PLEKHG1: variants seen among roughly 807,000 people sequenced by gnomAD.
PLEKHG1 encodes the protein pleckstrin homology and RhoGEF domain containing G1.
Under a neutral mutation model 100.8 loss-of-function variants are expected in PLEKHG1, and 44 were observed. That is an observed-to-expected ratio of 0.44 (90% CI 0.34 to 0.56). PLEKHG1 has a LOEUF of 0.56. Among genes scored for constraint, PLEKHG1 ranks in the 20% least tolerant of loss-of-function variants. PLEKHG1 has a pLI of 0.01. For missense variants in PLEKHG1, 1,545 were observed against 1,720.9 expected (o/e 0.90, Z 1.81); for synonymous variants, 640 against 662.5 (o/e 0.97, Z 0.52).
At chr6:150,634,189 A>G (rs1009444500) in intron 1 of PLEKHG1, among the ~76,000 whole-genome samples, 5 of 150,526 alleles carry the variant, frequency 3.3e-5, no homozygotes, top group African/African-American at 1.2e-4. Context: ...GGTTGCAGTG[A>G]GCTGAGATCG....
chr6:150,712,694 A>G (rs1373782369), intron 3 of PLEKHG1, among the ~76,000 whole-genome samples: 1 of 152,196 alleles, frequency 6.6e-6, no homozygotes, highest in African/African-American at 2.4e-5. Context: ...GGAACTGGGA[A>G]TTAGGCAAGT....
At chr6:150,733,555 G>A (rs770470231) in intron 1 of PLEKHG1, 29 bp from the exon 3 acceptor site, 1 of 1,551,654 alleles carries the variant, frequency 6.4e-7, no homozygotes, top group Non-Finnish European at 8.7e-7. Context: ...TGCTTATCTT[G>A]TCCTTTTTAT....
In PLEKHG1 at chr6:150,821,177, C is replaced by T; in HGVS notation, c.1409-18C>T. 6.2e-7 allele frequency: 1 copy of T among 1,610,096 alleles called. No individual in the cohort carries two copies. The highest frequency in any genetic ancestry group is 8.5e-7 in the Non-Finnish European group (1 of 1,176,788). On this transcript the variant is annotated intron_variant, in intron 12 of 15. Coordinates refer to ENST00000358517, the Ensembl canonical transcript of PLEKHG1. ...GATTTGGTTTTGCCAATGATGCTGG[C>T]TTTGTTTTGTCTCCCAGAACCTTCC...
chr6:150,699,038 C>T (rs1780660966), intron 3 of PLEKHG1, among the ~76,000 whole-genome samples: 2 of 152,106 alleles, frequency 1.3e-5, no homozygotes, highest in Admixed American at 6.5e-5. Context: ...TACCTTTTTA[C>T]GTCTTCACGA....
rs1382832652 is a variant in PLEKHG1, at chr6:150,785,429, C to G, written c.513-961C>G. ...ACACTGAGAATGTTCTTTGACCCATCAATTCCATATGTAGAATTTTATCCA... is the reference window on the plus strand; with the variant it reads ...ACACTGAGAATGTTCTTTGACCCATGAATTCCATATGTAGAATTTTATCCA... On this transcript the variant is annotated intron_variant, in intron 3 of 15. Coordinates refer to ENST00000358517, the Ensembl canonical transcript of PLEKHG1. Among the ~76,000 whole-genome samples the G allele has an allele frequency of 2.0e-5, 3 of 152,156 alleles. No homozygotes were observed. The South Asian group carries it at 6.2e-4, about 32-fold the overall frequency.
At chr6:150,829,444 C>G (rs965966800) in intron 14 of PLEKHG1, among the ~76,000 whole-genome samples, 1 of 152,078 alleles carries the variant, frequency 6.6e-6, no homozygotes, top group Non-Finnish European at 1.5e-5. Context: ...ACAGCAAAAC[C>G]CTGTCTCTAC....
At chr6:150,809,937 G>C (rs529534881) in intron 10 of PLEKHG1, among the ~76,000 whole-genome samples, 1 of 149,972 alleles carries the variant, frequency 6.7e-6, no homozygotes, top group South Asian at 2.1e-4. Context: ...GAGTGACAAC[G>C]GTTAATCTGA....
intron 2 of PLEKHG1, among the ~76,000 whole-genome samples, chr6:150,742,635 G>T (rs1782940334): frequency 6.7e-6 from 1 of 148,770 alleles, no homozygotes; most frequent in African/African-American, 2.5e-5. Flanking sequence ...TCTTACGAGA[G>T]CTCACTCACT....
intron 7 of PLEKHG1, among the ~76,000 whole-genome samples, chr6:150,808,155 C>T (rs1787256527): frequency 6.6e-6 from 1 of 152,012 alleles, no homozygotes; most frequent in Admixed American, 6.5e-5. Context: ...CATTGTATGC[C>T]TGTCAAAATA....
intron 3 of PLEKHG1, among the ~76,000 whole-genome samples, chr6:150,653,752 AAAAAAG>A (rs1778847164): frequency 6.6e-6 from 1 of 152,146 alleles, no homozygotes; most frequent in Admixed American, 6.5e-5. Context: ...TATCGCAAAA[AAAAAAG>A]AGTAAATATT....
chr6:150,679,224 C>T (rs1405307284), intron 3 of PLEKHG1, among the ~76,000 whole-genome samples: 4 of 152,144 alleles, frequency 2.6e-5, no homozygotes, highest in African/African-American at 9.7e-5. Flanking sequence ...CTGAGTCGCT[C>T]TGTTCTTAAT....
intron 14 of PLEKHG1, among the ~76,000 whole-genome samples, chr6:150,829,388 C>T (rs1434169785): frequency 3.9e-5 from 6 of 152,152 alleles, no homozygotes; most frequent in Non-Finnish European, 2.9e-5. Context: ...CCAAGGTGGG[C>T]GGATCTCTTG....
chr6:150,831,206 T>C lies in PLEKHG1; in HGVS notation c.2095T>C (p.Leu699=), dbSNP rs550510801. The C allele has an allele frequency of 2.5e-6, 4 of 1,613,926 alleles. No individual in the cohort carries two copies. The Admixed American group carries it at 6.7e-5, about 27-fold the overall frequency. ...CGTTCGCCCCAAGAGCACCCCAGAG[T>C]TAGCCTTCACAAAGAGGCAAGCTGG... The change falls in exon 15 of 16, where the codon TTA becomes CTA. Residue 699 remains leucine (L), a synonymous_variant. Coordinates refer to ENST00000358517, the Ensembl canonical transcript of PLEKHG1. This position sits in a 1 kb window ranked among gnomAD's most constrained non-coding sequence, Gnocchi z 4.1.
chr6:150,710,595 A>G (rs1013353108), intron 3 of PLEKHG1, among the ~76,000 whole-genome samples: 2 of 152,164 alleles, frequency 1.3e-5, no homozygotes, highest in African/African-American at 4.8e-5. Flanking sequence ...GTGGAGAAGG[A>G]AAGTAGTACC....
chr6:150,825,838 G>T (rs960952585), intron 14 of PLEKHG1, among the ~76,000 whole-genome samples: 1 of 152,156 alleles, frequency 6.6e-6, no homozygotes, highest in Non-Finnish European at 1.5e-5. Context: ...GTTCTTAAAA[G>T]TGCTTATTAA....
At chr6:150,689,307 A>G (rs534660180) in intron 3 of PLEKHG1, among the ~76,000 whole-genome samples, 29 of 152,300 alleles carry the variant, frequency 1.9e-4, no homozygotes, top group Admixed American at 6.5e-4. Context: ...CAACCTGGTC[A>G]TGAAATCCTT....
intron 3 of PLEKHG1, among the ~76,000 whole-genome samples, chr6:150,769,892 C>T (rs1784630044): frequency 6.6e-6 from 1 of 152,092 alleles, no homozygotes; most frequent in South Asian, 2.1e-4. Context: ...TATATTATGC[C>T]TGTTGTTCCT....
At chr6:150,779,837 G>A (rs910790877) in intron 3 of PLEKHG1, among the ~76,000 whole-genome samples, 3 of 151,514 alleles carry the variant, frequency 2.0e-5, no homozygotes, top group East Asian at 2.0e-4. Flanking sequence ...ATGGTGACAC[G>A]TGCCTGTAGT....
intron 3 of PLEKHG1, among the ~76,000 whole-genome samples, chr6:150,666,961 C>T (rs1031453633): frequency 1.3e-5 from 2 of 152,044 alleles, no homozygotes; most frequent in East Asian, 3.9e-4. Context: ...AGTTTCACCG[C>T]GTTAGCCAGG....
Sources: allele counts gnomAD v4.1 joint callset (sites outside exome capture counted in the v4.1 genomes callset), GRCh38; gene constraint gnomAD v4.1.1; non-coding constraint Gnocchi (gnomAD v3.1); transcripts MANE v1.5; gene names NCBI Gene and HGNC (gene_info 2026-07-23, HGNC 2026-07-21).